CSMD1: variants seen among roughly 807,000 people sequenced by gnomAD.
The protein encoded by CSMD1 is CUB and Sushi multiple domains 1.
CSMD1 carries 213 observed loss-of-function variants against 417.5 expected under a neutral mutation model. The ratio of observed to expected loss-of-function variants is 0.51; its 90% CI spans 0.46 to 0.57. The LOEUF is 0.57. CSMD1 is among the 20% of genes least tolerant of loss of function. The pLI, the probability that CSMD1 is intolerant of heterozygous loss-of-function variation, is 0.00. For synonymous variants in CSMD1, 2,862 were observed against 1,736.8 expected (o/e 1.65, Z -16.11); for missense variants, 6,923 against 4,529.7 (o/e 1.53, Z -15.17).
At chr8:4,419,294 C>T (rs17336210) in intron 3 of CSMD1, among the ~76,000 whole-genome samples, 2 of 152,044 alleles carry the variant, frequency 1.3e-5, no homozygotes, top group East Asian at 3.9e-4. Flanking sequence ...CACACATCGG[C>T]CTTTAAAGTA....
intron 18 of CSMD1, among the ~76,000 whole-genome samples, chr8:3,375,641 C>T (rs1305698240): frequency 6.6e-6 from 1 of 152,034 alleles, no homozygotes; most frequent in South Asian, 2.1e-4. Flanking sequence ...CAGAAACCCC[C>T]AGTAGGAAGG....
intron 2 of CSMD1, among the ~76,000 whole-genome samples, chr8:4,559,768 G>A (rs1585249479): frequency 6.6e-6 from 1 of 152,232 alleles, no homozygotes; most frequent in Admixed American, 6.5e-5. Flanking sequence ...GTTGTTATCA[G>A]TGCAGCCTGG....
At chr8:4,588,605 T>A (rs1278837602) in intron 2 of CSMD1, among the ~76,000 whole-genome samples, 2 of 151,574 alleles carry the variant, frequency 1.3e-5, no homozygotes, top group Non-Finnish European at 2.9e-5. Flanking sequence ...GTTAACACGG[T>A]GAAACCCCAT....
chr8:3,627,218 G>A (rs1040275037), intron 7 of CSMD1, among the ~76,000 whole-genome samples: 3 of 152,128 alleles, frequency 2.0e-5, no homozygotes, highest in Non-Finnish European at 4.4e-5. Flanking sequence ...AAAATTGAGA[G>A]AACTGAGTTT....
At chr8:3,096,559 C>T (rs1379769226) in intron 47 of CSMD1, among the ~76,000 whole-genome samples, 3 of 152,156 alleles carry the variant, frequency 2.0e-5, no homozygotes, top group Non-Finnish European at 4.4e-5. Context: ...TCTCCCCAGC[C>T]ATCTGGAACT....
chr8:4,852,297 T>G (rs1248904197), intron 1 of CSMD1, among the ~76,000 whole-genome samples: 1 of 152,164 alleles, frequency 6.6e-6, no homozygotes, highest in African/African-American at 2.4e-5. Flanking sequence ...TTGTGGGAGC[T>G]GATCCCTCAT....
chr8:3,842,514 G>T (rs1048660253), intron 5 of CSMD1, among the ~76,000 whole-genome samples: 1 of 152,068 alleles, frequency 6.6e-6, no homozygotes, highest in African/African-American at 2.4e-5. Flanking sequence ...GGGAAGAAGT[G>T]GGTTCCAATT....
intron 8 of CSMD1, among the ~76,000 whole-genome samples, chr8:3,604,190 A>G (rs9644274): frequency 0.11 from 17,396 of 152,194 alleles, 1,167 homozygotes; most frequent in East Asian, 0.24. Context: ...CAGATAGAAA[A>G]TATATAAACA....
chr8:4,831,936 G>C (rs74341456), intron 1 of CSMD1, among the ~76,000 whole-genome samples: 1 of 151,992 alleles, frequency 6.6e-6, no homozygotes, highest in South Asian at 2.1e-4. Flanking sequence ...TGGGACCTTC[G>C]AGATTTAAAA....
chr8:3,937,072 G>C (rs1476284427), intron 5 of CSMD1, among the ~76,000 whole-genome samples: 1 of 152,164 alleles, frequency 6.6e-6, no homozygotes, highest in African/African-American at 2.4e-5. Flanking sequence ...AACAGAATTA[G>C]AAGTAGAACT....
At chr8:3,541,527 CAAAAT>C (rs1420249504) in intron 10 of CSMD1, among the ~76,000 whole-genome samples, 4 of 148,028 alleles carry the variant, frequency 2.7e-5, no homozygotes, top group African/African-American at 1.0e-4. Flanking sequence ...TTCTGGAACT[CAAAAT>C]AAAAATTAAA....
intron 10 of CSMD1, among the ~76,000 whole-genome samples, chr8:3,565,520 T>C (rs989570641): frequency 6.6e-6 from 1 of 152,190 alleles, no homozygotes; most frequent in Non-Finnish European, 1.5e-5. Flanking sequence ...CTTAAACCAA[T>C]ATATACAACA....
chr8:4,352,221 G>A (rs544060259), intron 3 of CSMD1, among the ~76,000 whole-genome samples: 8 of 152,288 alleles, frequency 5.3e-5, no homozygotes, highest in Middle Eastern at 3.4e-3. Flanking sequence ...TAGAGCTAAT[G>A]CAATTGTAAG....
At chr8:3,810,034 C>G (rs182107349) in intron 5 of CSMD1, among the ~76,000 whole-genome samples, 233 of 152,300 alleles carry the variant, frequency 1.5e-3, no homozygotes, top group South Asian at 2.9e-3. Context: ...GCTGCCATGT[C>G]TGTAGTCCTC....
At chr8:3,260,974 G>C (rs1801018151) in intron 26 of CSMD1, among the ~76,000 whole-genome samples, 1 of 151,778 alleles carries the variant, frequency 6.6e-6, no homozygotes, top group Non-Finnish European at 1.5e-5. Context: ...AATCCCATTA[G>C]AAAATGGGAA....
chr8:3,793,980 G>A (rs925239484), intron 5 of CSMD1, among the ~76,000 whole-genome samples: 2 of 152,150 alleles, frequency 1.3e-5, no homozygotes, highest in South Asian at 2.1e-4. Flanking sequence ...TGGTTCTTCT[G>A]CTTTCCTCTT....
rs147989053 is a variant in CSMD1 at position 3,570,869 on chromosome 8, G to C, written c.1344+4076C>G. ...CTTCCTCTCTGTCAAGTAGTAAAAG[G>C]TTTAAACAATAGGAACTCTAAGCTT... On this transcript the variant is annotated intron_variant, in intron 10 of 69. Coordinates refer to ENST00000635120, the MANE Select transcript of CSMD1 (RefSeq NM_033225.6). Among the ~76,000 whole-genome samples, 103 of 152,230 alleles carry C rather than the reference G, an allele frequency of 6.8e-4. No homozygotes were observed. The East Asian group carries it at 7.1e-3, about 11-fold the overall frequency.
chr8:4,635,931 A>G (rs183219869), intron 2 of CSMD1, among the ~76,000 whole-genome samples: 2 of 152,190 alleles, frequency 1.3e-5, no homozygotes, highest in African/African-American at 2.4e-5. Context: ...CAGATAATAG[A>G]TATTGTAGAT....
In CSMD1 at chr8:3,223,344, C is replaced by T. The variant is rs181089853; in HGVS notation, c.4484+385G>A. ...ATATTAGCAGTGCTACCCTCAGGAA[C>T]GTCAGGATGTGCTGTGGAAAGGAAT... On this transcript the variant is annotated intron_variant, in intron 28 of 69. Coordinates refer to ENST00000635120, the MANE Select transcript of CSMD1 (RefSeq NM_033225.6). 3.3e-5 allele frequency among the ~76,000 whole-genome samples: 5 copies of T among 152,200 alleles called. No homozygotes were observed. In the East Asian group the frequency reaches 5.8e-4, roughly 18 times the overall value.
Sources: allele counts gnomAD v4.1 joint callset (sites outside exome capture counted in the v4.1 genomes callset), GRCh38; gene constraint gnomAD v4.1.1; transcripts MANE v1.5; gene names NCBI Gene and HGNC (gene_info 2026-07-23, HGNC 2026-07-21).